The following NHSL2 variants were observed in gnomAD, a reference collection of about 807,000 sequenced individuals.
NHSL2 encodes NHS-like protein 2.
In NHSL2, 27 loss-of-function variants were observed where a neutral mutation model predicts 53.4. The ratio of observed to expected loss-of-function variants is 0.51; its 90% CI spans 0.37 to 0.70. The LOEUF (loss-of-function observed/expected upper bound fraction) is 0.70, where lower values mean the gene tolerates loss of function less well. Ranked by LOEUF, NHSL2 falls within the 30% of genes least tolerant of loss-of-function variation. The probability of loss-of-function intolerance (pLI) is 0.00; values close to 1 mark genes in which losing one functional copy is unlikely to be tolerated. For synonymous variants in NHSL2, 408 were observed against 404.1 expected, an observed-to-expected ratio of 1.01 and a Z score of -0.12; for missense variants, 892 against 980.1, an observed-to-expected ratio of 0.91 and a Z score of 1.20.
intron 1 of NHSL2, among the ~76,000 whole-genome samples, chrX:72,037,433 GA>G (rs1189526357): frequency 9.3e-6 from 1 of 107,839 alleles, no homozygotes; most frequent in Non-Finnish European, 1.9e-5. Flanking sequence ...AAAAAAAAAA[GA>G]AAAAAAAACA....
At chrX:71,992,642 T>A (rs984810137) in intron 1 of NHSL2, among the ~76,000 whole-genome samples, 2 of 111,901 alleles carry the variant, frequency 1.8e-5, no homozygotes, top group Middle Eastern at 4.6e-3. Flanking sequence ...AATTTTAGGG[T>A]TTTTTGTTTT....
intron 1 of NHSL2, among the ~76,000 whole-genome samples, chrX:71,971,941 G>A (rs1395648317): frequency 9.0e-6 from 1 of 111,560 alleles, no homozygotes; most frequent in African/African-American, 3.3e-5. Context: ...GCTATCTAAT[G>A]TCACTCCCTT....
chrX:72,084,537 G>A (rs950710490), intron 1 of NHSL2, among the ~76,000 whole-genome samples: 1 of 112,385 alleles, frequency 8.9e-6, no homozygotes, highest in African/African-American at 3.2e-5. Context: ...GTCAGGGTGA[G>A]GGGACCAGTC....
chrX:72,094,082 C>G (rs1339469368), intron 1 of NHSL2, among the ~76,000 whole-genome samples: 1 of 111,307 alleles, frequency 9.0e-6, no homozygotes, highest in Non-Finnish European at 1.9e-5. Context: ...GTGCCCAGCC[C>G]TAGTATAGCT....
At chrX:72,061,635 A>G (rs2042399656) in intron 1 of NHSL2, among the ~76,000 whole-genome samples, 1 of 111,947 alleles carries the variant, frequency 8.9e-6, no homozygotes, top group Non-Finnish European at 1.9e-5. Context: ...AAACATTTAA[A>G]TCATATCCTG....
chrX:72,103,479 G>A (rs183789585), intron 1 of NHSL2, among the ~76,000 whole-genome samples: 21 of 112,036 alleles, frequency 1.9e-4, no homozygotes, highest in Non-Finnish European at 3.9e-4. Context: ...CATTGTACAG[G>A]ACAGTCCCAT....
At chrX:72,051,952 C>A (rs1156740405) in intron 1 of NHSL2, among the ~76,000 whole-genome samples, 2 of 112,152 alleles carry the variant, frequency 1.8e-5, no homozygotes, top group African/African-American at 6.5e-5. Context: ...GGCAGAGTCC[C>A]CCTCTCAGCT....
At chrX:72,113,602 C>T (rs180747747) in intron 1 of NHSL2, among the ~76,000 whole-genome samples, 5 of 112,392 alleles carry the variant, frequency 4.4e-5, no homozygotes, top group Admixed American at 3.8e-4. Flanking sequence ...CCCCAGCAAC[C>T]GCTATGTGAC....
chrX:72,134,422 A>T (rs1454388224), intron 3 of NHSL2, 87 bp from the exon 4 acceptor site: 5 of 904,676 alleles, frequency 5.5e-6, no homozygotes, highest in Non-Finnish European at 7.7e-6. Context: ...CGAAGCCTCC[A>T]ACTACCCAGC....
At chrX:72,103,519 A>G (rs2042012883) in intron 1 of NHSL2, among the ~76,000 whole-genome samples, 1 of 111,853 alleles carries the variant, frequency 8.9e-6, no homozygotes, top group Admixed American at 9.5e-5. Context: ...ATCTGGTAGC[A>G]AGGTAAGAGT....
rs181311559 is a variant in NHSL2 at position 72,092,415 on chromosome X, A to G, written c.281-39664A>G. Among the ~76,000 whole-genome samples, 11 of 111,324 alleles carry G rather than the reference A, an allele frequency of 9.9e-5. No individual in the cohort carries two copies. In the East Asian group the frequency reaches 3.1e-3, roughly 32 times the overall value. The stretch of plus-strand genomic sequence containing the variant: ...CAAGAGAGGGGTTCTTATTGGGTCA[A>G]TTGGTCACTCCACCTTCTGGAACAT... On this transcript the variant is annotated intron_variant, in intron 1 of 7. Coordinates refer to ENST00000633930, the MANE Select transcript of NHSL2 (RefSeq NM_001013627.3).
At chrX:71,932,835 G>T (rs1367164568) in intron 1 of NHSL2, among the ~76,000 whole-genome samples, 1 of 112,773 alleles carries the variant, frequency 8.9e-6, no homozygotes, top group Non-Finnish European at 1.9e-5. Flanking sequence ...TGCAGATGAG[G>T]AAACTGAGTA....
At position 72,137,178 on chromosome X, in the gene NHSL2, G is replaced by A. The variant is rs199659776; in HGVS notation, c.845G>A (p.Arg282Gln). ...GTGAACCCCAAGTCCACCCTGAGGC[G>A]GAGGCGGACCATTATTGGATTCTCT... ...TAVNPKSTLR[R>Q]RRTIIGFSNF... The change falls in exon 5 of 8, where the codon CGG becomes CAG. Residue 282 changes from arginine to glutamine, a missense_variant. Coordinates refer to ENST00000633930, the MANE Select transcript of NHSL2 (RefSeq NM_001013627.3). 1,093 of 1,163,879 alleles carry A rather than the reference G, an allele frequency of 9.4e-4. 2 individuals carry two copies. Among genetic ancestry groups the A allele is most frequent in the Non-Finnish European group, 1.1e-3 (946 of 870,935 alleles).
chrX:72,107,941 G>A (rs1038346882), intron 1 of NHSL2, among the ~76,000 whole-genome samples: 1 of 112,200 alleles, frequency 8.9e-6, no homozygotes. Flanking sequence ...GAGCTGATAT[G>A]ACTTGTGTGT....
intron 4 of NHSL2, among the ~76,000 whole-genome samples, chrX:72,135,889 A>G (rs956274053): frequency 3.6e-5 from 4 of 111,207 alleles, no homozygotes; most frequent in Non-Finnish European, 5.7e-5. Flanking sequence ...ACAAAAAAAT[A>G]GCCAGGCGTG....
intron 1 of NHSL2, among the ~76,000 whole-genome samples, chrX:71,913,654 GA>G (rs778861435): frequency 1.8e-5 from 2 of 111,972 alleles, no homozygotes; most frequent in East Asian, 5.6e-4. Context: ...TGGGGCAGGA[GA>G]AACCTGGGAA....
At chrX:72,131,561 T>C in intron 1 of NHSL2, 4 of 1,143,228 alleles carry the variant, frequency 3.5e-6, no homozygotes, top group Non-Finnish European at 3.5e-6. Flanking sequence ...CCAGGGGCCC[T>C]GGGGCTCCGT....
chrX:72,127,604 T>C (rs1055837556), intron 1 of NHSL2: 1 of 112,098 alleles, frequency 8.9e-6, no homozygotes, highest in African/African-American at 3.2e-5. Context: ...GGCCAGAGTG[T>C]TGACCATCAG....
chrX:72,133,859 A>G (rs1417917211), intron 2 of NHSL2: 1 of 346,982 alleles, frequency 2.9e-6, no homozygotes, highest in Non-Finnish European at 5.1e-6. Flanking sequence ...TTGGTCCCCA[A>G]ACCACCACAG....
Sources: allele counts gnomAD v4.1 joint callset (sites outside exome capture counted in the v4.1 genomes callset), GRCh38; gene constraint gnomAD v4.1.1; transcripts MANE v1.5; gene names NCBI Gene and HGNC (gene_info 2026-07-23, HGNC 2026-07-21).